Variants in SPTBN4 observed in about 807,000 individuals in gnomAD.
The protein encoded by SPTBN4 is spectrin beta chain, non-erythrocytic 4.
SPTBN4 carries 96 observed loss-of-function variants against 277.8 expected under a neutral mutation model. The ratio of observed to expected loss-of-function variants is 0.35; its 90% CI spans 0.29 to 0.41. The LOEUF is 0.41. SPTBN4 is among the 10% of genes least tolerant of loss of function. SPTBN4 has a pLI of 1.00. For synonymous variants in SPTBN4, 1,481 were observed against 1,580.3 expected, an observed-to-expected ratio of 0.94 and a Z score of 1.49; for missense variants, 3,006 against 3,595.7, an observed-to-expected ratio of 0.84 and a Z score of 4.19.
rs1300993868 is a variant in SPTBN4 at position 40,549,425 on chromosome 19, G to T, written c.4584+12G>T. On this transcript the variant is annotated intron_variant, in intron 21 of 35. Transcript: ENST00000598249. Reference sequence around the variant, plus strand: ...TGGACGACGAGCTGGTGAGGCCAGCGCAGGGGCCTGGGGCGGGGCGGGGCG... The same window carrying T: ...TGGACGACGAGCTGGTGAGGCCAGCTCAGGGGCCTGGGGCGGGGCGGGGCG... The T allele has an allele frequency of 1.4e-5, 20 of 1,397,952 alleles. No individual in the cohort carries two copies. Among genetic ancestry groups the T allele is most frequent in the South Asian group, 2.8e-5 (2 of 70,178 alleles). 86.6% of individuals were successfully genotyped at this position (1,397,952 alleles called of 1,614,324 possible).
chr19:40,502,999 A>G lies in SPTBN4; in HGVS notation c.1362+66A>G. On this transcript the variant is annotated intron_variant, in intron 11 of 35. Transcript: ENST00000598249. This position sits in a 1 kb window ranked among gnomAD's most constrained non-coding sequence, Gnocchi z 4.9. ...GGGCGGGGCTGATGGTCCTGGGACC[A>G]GAGAGGGAGACTTGATCTTCTAGGC... 5 of 1,552,336 alleles carry G rather than the reference A, an allele frequency of 3.2e-6. No homozygotes were observed. The highest frequency in any genetic ancestry group is 3.5e-6 in the Non-Finnish European group (4 of 1,146,902).
intron 20 of SPTBN4, among the ~76,000 whole-genome samples, chr19:40,548,820 T>G (rs533205372): frequency 6.6e-6 from 1 of 152,308 alleles, no homozygotes; most frequent in African/African-American, 2.4e-5. Flanking sequence ...GGCCTTGGTT[T>G]CCTCCTCTGT....
At chr19:40,533,322 C>T (rs180809321) in intron 19 of SPTBN4, among the ~76,000 whole-genome samples, 13 of 152,284 alleles carry the variant, frequency 8.5e-5, no homozygotes, top group Non-Finnish European at 1.9e-4. Context: ...CACAAGGCCA[C>T]GCACCTAAGA....
At position 40,504,054 on chromosome 19, in the gene SPTBN4, A is replaced by T. The variant is rs1319448129; in HGVS notation, c.1587A>T (p.Thr529=). ...LLTGLVGARR[T]RLEQNLALQK... is the part of the protein sequence containing the mutation. ...CTGGGCTTGTGGGTGCCCGGCGGAC[A>T]CGACTTGAGCAGAACCTTGCCCTGC... Residue 529 remains threonine, a synonymous_variant, in exon 12 of 36, where the codon ACA becomes ACT. Transcript: ENST00000598249. The T allele has an allele frequency of 5.6e-6, 9 of 1,599,734 alleles. No individual in the cohort carries two copies. The highest frequency in any genetic ancestry group is 7.7e-6 in the Non-Finnish European group (9 of 1,170,928).
chr19:40,487,730 C>T lies in SPTBN4; in HGVS notation c.203C>T (p.Thr68Ile). ...EREAVQKKTF[T>I]KWVNSHLARV... The stretch of plus-strand genomic sequence containing the variant: ...GAAGCCGTGCAGAAGAAAACCTTCA[C>T]CAAGTGGGTGAACTCGCACCTCGCC... Residue 68 changes from threonine (T) to isoleucine (I), a missense_variant, in exon 3 of 36, where the codon ACC becomes ATC. Coordinates refer to ENST00000598249, the MANE Select transcript of SPTBN4 (RefSeq NM_020971.3). The T allele has an allele frequency of 1.9e-6, 3 of 1,613,580 alleles. No individual in the cohort carries two copies. The highest frequency in any genetic ancestry group is 2.5e-6 in the Non-Finnish European group (3 of 1,179,802).
At chr19:40,497,397 TG>T in intron 6 of SPTBN4, 91 bp from the exon 7 acceptor site, 1 of 905,000 alleles carries the variant, frequency 1.1e-6, no homozygotes. Flanking sequence ...CCCATTGCCC[TG>T]GGCAGTGCTC....
At chr19:40,492,693 G>A (rs559697596) in intron 4 of SPTBN4, among the ~76,000 whole-genome samples, 12 of 152,218 alleles carry the variant, frequency 7.9e-5, no homozygotes, top group East Asian at 7.7e-4. Flanking sequence ...GGCAGGAGAC[G>A]GCAGTGCCTT....
chr19:40,512,888 AGCACAAGATCCT>A lies in SPTBN4; in HGVS notation c.2103_2114del (p.His701_Leu704del). 6.9e-7 allele frequency: 1 copy of A among 1,443,102 alleles called. No homozygotes were observed. Among genetic ancestry groups the A allele is most frequent in the Non-Finnish European group, 9.0e-7 (1 of 1,109,270 alleles). The allele number at this position is 1,443,102 out of a possible 1,614,324, so 89.4% of individuals were successfully genotyped here. On this transcript the variant is annotated inframe_deletion, in exon 14 of 36. Transcript: ENST00000598249. ...TCCAGCACAGCGCGCCTCCTGGCCC[AGCACAAGATCCT>A]GCAGGGCGAGCTGGGCGGGCGGCGA... is the stretch of plus-strand genomic sequence containing the variant.
In SPTBN4 at chr19:40,532,667, G is replaced by A. The variant is rs814501; in HGVS notation, c.3991G>A (p.Gly1331Ser). The change falls in exon 19 of 36, where the codon GGC (glycine) becomes AGC (serine). Residue 1331 changes from glycine (G) to serine (S), a missense_variant. Around this residue, in one of 5 missense-constraint regions of SPTBN4, gnomAD observed 1,759 missense variants for 2,061.5 expected, o/e 0.85. Coordinates refer to ENST00000598249, the MANE Select transcript of SPTBN4 (RefSeq NM_020971.3). ...IHEKMLMARD[G>S]TREDNHKLHK... Reference sequence around the variant, plus strand: ...TGAGAAGATGCTGATGGCGCGGGATGGCACGCGGGAGGACAACCACAAGCT... The same window carrying A: ...TGAGAAGATGCTGATGGCGCGGGATAGCACGCGGGAGGACAACCACAAGCT... 768,194 of 1,613,012 alleles carry A rather than the reference G, an allele frequency of 0.48. 191,851 individuals are homozygous for A. The highest frequency in any genetic ancestry group is 0.52 in the Non-Finnish European group (610,601 of 1,179,472).
chr19:40,551,388 C>T (rs563035284), intron 22 of SPTBN4, among the ~76,000 whole-genome samples: 35 of 117,662 alleles, frequency 3.0e-4, no homozygotes, highest in African/African-American at 1.2e-3. Context: ...GACCCTATCT[C>T]TCTCTCTCTC....
intron 16 of SPTBN4, among the ~76,000 whole-genome samples, chr19:40,520,588 G>A (rs1190607333): frequency 6.6e-6 from 1 of 152,218 alleles, no homozygotes; most frequent in Non-Finnish European, 1.5e-5. Flanking sequence ...AACAGGCTGA[G>A]GGGTTATTGG....
rs1186062641 is a variant in SPTBN4 at position 40,549,294 on chromosome 19, C to A, written c.4465C>A (p.Arg1489=). The change falls in exon 21 of 36, where the codon CGG becomes AGG. Residue 1489 remains arginine, a synonymous_variant. Transcript: ENST00000598249. ...EPASKELVGE[R]QNAVGERLVR... Reference sequence around the variant, plus strand: ...GGCGAGCAAGGAGCTGGTGGGTGAGCGGCAGAACGCGGTGGGCGAGCGCCT... The same window carrying A: ...GGCGAGCAAGGAGCTGGTGGGTGAGAGGCAGAACGCGGTGGGCGAGCGCCT... 3 of 1,542,550 alleles carry A rather than the reference C, an allele frequency of 1.9e-6. No homozygotes were observed. Among genetic ancestry groups the A allele is most frequent in the South Asian group, 2.4e-5 (2 of 83,894 alleles).
At chr19:40,565,597 G>A (rs367913402) in intron 28 of SPTBN4, 36 bp downstream of exon 28, 75 of 1,594,292 alleles carry the variant, frequency 4.7e-5, no homozygotes, top group Middle Eastern at 1.7e-4. Context: ...TCTGCCACCC[G>A]GGCACATTGG....
At chr19:40,559,979 G>T (rs1018669167) in intron 26 of SPTBN4, among the ~76,000 whole-genome samples, 180 bp from the exon 27 acceptor site, 10 of 152,226 alleles carry the variant, frequency 6.6e-5, no homozygotes, top group African/African-American at 2.4e-4. Context: ...AGATCTAAAA[G>T]AAGTCAGAAT....
At chr19:40,542,928 G>A (rs1176323405) in intron 20 of SPTBN4, among the ~76,000 whole-genome samples, 1 of 151,960 alleles carries the variant, frequency 6.6e-6, no homozygotes, top group African/African-American at 2.4e-5. Flanking sequence ...AATTTATGAA[G>A]GTGCTGGCTC....
intron 5 of SPTBN4, among the ~76,000 whole-genome samples, chr19:40,494,543 TA>T (rs1041885968): frequency 6.8e-6 from 1 of 147,888 alleles, no homozygotes; most frequent in African/African-American, 2.6e-5. Flanking sequence ...ATCTATTATG[TA>T]TGTATGTATC....
chr19:40,570,641 C>G lies in SPTBN4; in HGVS notation c.7232C>G (p.Pro2411Arg). Residue 2411 changes from proline to arginine, a missense_variant, in exon 33 of 36, where the codon CCT becomes CGT. Physicochemically the swap from Pro to Arg is moderately radical, Grantham distance 103 (BLOSUM62 -2). Around this residue, in one of 5 missense-constraint regions of SPTBN4, gnomAD observed 630 missense variants for 677.6 expected, o/e 0.93. Transcript: ENST00000598249. ...APAQGGSAPA[P>R]PPPPTHTVQH... ...GCCCAGGGCGGCTCCGCCCCCGCGC[C>G]TCCGCCACCGCCCACTCACACAGTG... 1 of 1,508,354 alleles carries G rather than the reference C, an allele frequency of 6.6e-7. No homozygotes were observed. Among genetic ancestry groups the G allele is most frequent in the Non-Finnish European group, 8.8e-7 (1 of 1,130,800 alleles). 93.4% of individuals were successfully genotyped at this position (1,508,354 alleles called of 1,614,324 possible).
At chr19:40,488,599 C>T (rs76108311) in intron 3 of SPTBN4, among the ~76,000 whole-genome samples, 2,954 of 152,060 alleles carry the variant, frequency 0.019, 103 homozygotes, top group African/African-American at 0.068. Flanking sequence ...CAGAACAGCC[C>T]GGGCAACATA....
chr19:40,497,195 C>A (rs2145839053), intron 6 of SPTBN4, among the ~76,000 whole-genome samples: 1 of 152,152 alleles, frequency 6.6e-6, no homozygotes, highest in South Asian at 2.1e-4. Context: ...CGTGTGGGCT[C>A]ATCTCTTCCA....
Sources: allele counts gnomAD v4.1 joint callset (sites outside exome capture counted in the v4.1 genomes callset), GRCh38; gene constraint gnomAD v4.1.1; regional missense constraint gnomAD v4.1.1; non-coding constraint Gnocchi (gnomAD v3.1); transcripts MANE v1.5; gene names NCBI Gene and HGNC (gene_info 2026-07-23, HGNC 2026-07-21).